Variants in IQCM observed in about 807,000 individuals in gnomAD.
IQCM encodes IQ domain-containing protein M.
A neutral mutation model predicts 57.6 loss-of-function variants in IQCM; 45 were observed. That is an observed-to-expected ratio of 0.78 (90% confidence interval 0.62 to 1.00). The LOEUF (loss-of-function observed/expected upper bound fraction) is 1.00, where lower values mean the gene tolerates loss of function less well. Ranked by LOEUF, IQCM falls within the 50% of genes least tolerant of loss-of-function variation. The pLI is 0.00. For synonymous variants in IQCM, 148 were observed against 158.9 expected, an observed-to-expected ratio of 0.93 and a Z score of 0.51; for missense variants, 468 against 511.6, an observed-to-expected ratio of 0.91 and a Z score of 0.82.
chr4:149,706,216 A>G (rs1580071376), intron 5 of IQCM, among the ~76,000 whole-genome samples: 1 of 151,988 alleles, frequency 6.6e-6, no homozygotes, highest in South Asian at 2.1e-4. Context: ...CCATTTCAGC[A>G]TAATGATGGG....
rs1174450006 is a variant in IQCM, at chr4:149,354,377, A to C, written c.1391-2311T>G. On this transcript the variant is annotated intron_variant, in intron 13 of 13. Transcript: ENST00000636793. ...AGACTCCGTCTCAAAAAAAAAAAAA[A>C]AAAAAAAAAAAACTGACAAATTAGG... Among the ~76,000 whole-genome samples, 49 of 142,020 alleles carry C rather than the reference A, an allele frequency of 3.5e-4. 1 individual carries two copies. Among genetic ancestry groups the C allele is most frequent in the Middle Eastern group, 3.5e-3 (1 of 282 alleles). The allele number at this position is 142,020 out of a possible 152,430, so 93.2% of individuals were successfully genotyped here. A position where few individuals can be genotyped will look rare whatever the true frequency, so the allele number is the denominator to read the frequency against.
Position 149,490,813 on chromosome 4 carries a change from A to G in IQCM, c.1229-57256T>C, listed in dbSNP as rs79218080. On this transcript the variant is annotated intron_variant, in intron 12 of 13. Coordinates refer to ENST00000636793, the MANE Select transcript of IQCM (RefSeq NM_001363507.2). ...CTACTTCTAATAATGCATATGAAAG[A>G]CATATTTATCCTTGGTAACGCTAAT... is the stretch of plus-strand genomic sequence containing the variant. Among the ~76,000 whole-genome samples, 97 of 152,254 alleles carry G rather than the reference A, an allele frequency of 6.4e-4. 1 individual carries two copies. The East Asian group carries it at 0.018, about 29-fold the overall frequency.
intron 2 of IQCM, among the ~76,000 whole-genome samples, chr4:149,751,558 C>G (rs925295213): frequency 1.3e-5 from 2 of 152,120 alleles, no homozygotes; most frequent in African/African-American, 4.8e-5. Context: ...TTTCCTTAAC[C>G]CTCATAGACT....
At chr4:149,655,511 T>C (rs575284301) in intron 7 of IQCM, among the ~76,000 whole-genome samples, 1 of 152,170 alleles carries the variant, frequency 6.6e-6, no homozygotes, top group African/African-American at 2.4e-5. Context: ...TAATAAAACA[T>C]TTGTCTTTAT....
intron 8 of IQCM, among the ~76,000 whole-genome samples, chr4:149,618,532 C>T (rs557149416): frequency 1.3e-5 from 2 of 151,876 alleles, no homozygotes; most frequent in South Asian, 4.1e-4. Flanking sequence ...AGCTCCTGTA[C>T]AAGATAATAA....
intron 12 of IQCM, among the ~76,000 whole-genome samples, chr4:149,533,386 G>A (rs760417870): frequency 6.6e-6 from 1 of 152,006 alleles, no homozygotes; most frequent in Non-Finnish European, 1.5e-5. Context: ...AGACAACTAA[G>A]GTTCTTAGAA....
chr4:149,766,028 G>A lies in IQCM; in HGVS notation c.-48-23289C>T, dbSNP rs188337818. Among the ~76,000 whole-genome samples, 27 of 152,210 alleles carry A rather than the reference G, an allele frequency of 1.8e-4. No individual in the cohort carries two copies. The East Asian group carries it at 2.9e-3, about 16-fold the overall frequency. ...AAAAATCCTAGCCTCTGAGTTCTCA[G>A]GGAGGTGAATTTGAGAAATATCTCC... On this transcript the variant is annotated intron_variant, in intron 2 of 13. Coordinates refer to ENST00000636793, the MANE Select transcript of IQCM (RefSeq NM_001363507.2).
chr4:149,633,985 A>ATCTTTC (rs953766863), intron 7 of IQCM, among the ~76,000 whole-genome samples: 1 of 152,074 alleles, frequency 6.6e-6, no homozygotes. Context: ...TCTCAGCTTT[A>ATCTTTC]TCTTTTTCTT....
intron 13 of IQCM, among the ~76,000 whole-genome samples, chr4:149,361,432 C>T (rs1729477914): frequency 1.3e-5 from 2 of 152,280 alleles, no homozygotes; most frequent in African/African-American, 2.4e-5. Flanking sequence ...TTCATGGCAG[C>T]CCCTCCCATC....
intron 2 of IQCM, among the ~76,000 whole-genome samples, chr4:149,767,182 T>A (rs943931457): frequency 2.0e-5 from 3 of 151,952 alleles, no homozygotes; most frequent in Non-Finnish European, 2.9e-5. Context: ...TCTAATGAAA[T>A]GATTTTCATT....
chr4:149,593,456 C>G (rs1753421428), intron 8 of IQCM, among the ~76,000 whole-genome samples: 1 of 152,024 alleles, frequency 6.6e-6, no homozygotes, highest in Admixed American at 6.6e-5. Flanking sequence ...ATTTCTTTAT[C>G]CTGCCTGATT....
chr4:149,460,607 CA>C (rs1738168621), intron 12 of IQCM, among the ~76,000 whole-genome samples: 1 of 150,724 alleles, frequency 6.6e-6, no homozygotes, highest in Non-Finnish European at 1.5e-5. Context: ...TAGAGCATCA[CA>C]TAAGAGGATC....
intron 7 of IQCM, among the ~76,000 whole-genome samples, chr4:149,671,260 T>C (rs1391056171): frequency 6.6e-6 from 1 of 152,184 alleles, no homozygotes; most frequent in Admixed American, 6.5e-5. Context: ...ATTATCTAGG[T>C]TATTTGCGTA....
At chr4:149,361,094 CAA>C (rs903291902) in intron 13 of IQCM, among the ~76,000 whole-genome samples, 1 of 152,154 alleles carries the variant, frequency 6.6e-6, no homozygotes, top group Non-Finnish European at 1.5e-5. Context: ...TACATTTTAG[CAA>C]AGAGACTGGC....
chr4:149,395,356 A>G (rs1383891510), intron 13 of IQCM, among the ~76,000 whole-genome samples: 1 of 152,028 alleles, frequency 6.6e-6, no homozygotes, highest in Non-Finnish European at 1.5e-5. Flanking sequence ...TACAGTAATA[A>G]CTGTTTCTAT....
intron 2 of IQCM, among the ~76,000 whole-genome samples, chr4:149,774,816 C>T (rs1318396583): frequency 1.3e-5 from 2 of 150,496 alleles, no homozygotes; most frequent in Non-Finnish European, 3.0e-5. Context: ...ATACCTCCAA[C>T]TGTCTGCCTT....
intron 13 of IQCM, among the ~76,000 whole-genome samples, chr4:149,360,028 A>G (rs993433939): frequency 6.6e-6 from 1 of 152,028 alleles, no homozygotes; most frequent in African/African-American, 2.4e-5. Context: ...CACTACAATT[A>G]TTATATTACT....
chr4:149,784,220 C>A (rs1237248368), intron 2 of IQCM, among the ~76,000 whole-genome samples: 3 of 152,194 alleles, frequency 2.0e-5, no homozygotes, highest in Non-Finnish European at 2.9e-5. Context: ...AACTCTGACT[C>A]ATCTTCCATT....
intron 10 of IQCM, among the ~76,000 whole-genome samples, chr4:149,558,627 A>G (rs1421569963): frequency 1.3e-5 from 2 of 152,158 alleles, no homozygotes; most frequent in Non-Finnish European, 2.9e-5. Flanking sequence ...GTTATTTTCT[A>G]CAGGTTAGTA....
Sources: allele counts gnomAD v4.1 joint callset (sites outside exome capture counted in the v4.1 genomes callset), GRCh38; gene constraint gnomAD v4.1.1; transcripts MANE v1.5; gene names NCBI Gene and HGNC (gene_info 2026-07-23, HGNC 2026-07-21).